NAGPA: variants seen among roughly 807,000 people sequenced by gnomAD.
NAGPA encodes N-acetylglucosamine-1-phosphodiester alpha-N-acetylglucosaminidase.
A neutral mutation model predicts 48.5 loss-of-function variants in NAGPA; 56 were observed. The ratio of observed to expected loss-of-function variants is 1.15; its 90% CI spans 0.93 to 1.44. The LOEUF is 1.44. NAGPA is among the 40% of genes most tolerant of loss of function. NAGPA has a pLI of 0.00. For synonymous variants in NAGPA, 399 were observed against 315.5 expected (o/e 1.26, Z -2.81); for missense variants, 888 against 735.0 (o/e 1.21, Z -2.41).
In NAGPA at chr16:5,027,173, T is replaced by C. The variant is rs1287882495; in HGVS notation, c.1302A>G (p.Glu434=). 3.7e-6 allele frequency: 6 copies of C among 1,614,192 alleles called. No homozygotes were observed. The highest frequency in any genetic ancestry group is 2.2e-5 in the East Asian group (1 of 44,876). The change falls in exon 9 of 10, where the codon GAA becomes GAG. Residue 434 remains glutamate (E), a synonymous_variant. Coordinates refer to ENST00000312251, the MANE Select transcript of NAGPA (RefSeq NM_016256.4). ...AGAGTTCTCCCGCCCTCAGGGTGGC[T>C]TCAGGTGGCTGGAGACACTGCTTTA... is the stretch of plus-strand genomic sequence containing the variant. ...SRVKQCLQPP[E]ATLRAGELSF...
chr16:5,027,886 G>C lies in NAGPA; in HGVS notation c.1134C>G (p.Cys378Trp). The C allele has an allele frequency of 6.3e-7, 1 of 1,588,786 alleles. No individual in the cohort carries two copies. Among genetic ancestry groups the C allele is most frequent in the Non-Finnish European group, 8.6e-7 (1 of 1,168,066 alleles). The change falls in exon 7 of 10, where the codon TGC becomes TGG. Residue 378 changes from cysteine to tryptophan, a missense_variant. Transcript: ENST00000312251. ...SQHGLCTETG[C>W]RCDAGWTGSN... ...ACCCGGTCCATCCGGCATCACAGCGGCAGCCGGCTGCCGAGACAAGACCGG... is the reference window on the plus strand; with the variant it reads ...ACCCGGTCCATCCGGCATCACAGCGCCAGCCGGCTGCCGAGACAAGACCGG...
At chr16:5,029,948 A>G (rs1466332921) in intron 4 of NAGPA, 1 of 265,838 alleles carries the variant, frequency 3.8e-6, no homozygotes, top group South Asian at 4.4e-5. Flanking sequence ...ACAAAAGAAC[A>G]TTCCCTGCTG....
intron 2 of NAGPA, 67 bp from the exon 3 acceptor site, chr16:5,031,951 T>A: frequency 6.2e-7 from 1 of 1,605,942 alleles, no homozygotes; most frequent in Non-Finnish European, 8.5e-7. Context: ...AGGCTCTTTC[T>A]CCCTAGCCAT....
chr16:5,033,765 C>T lies in NAGPA; in HGVS notation c.87-37G>A, dbSNP rs1001633389. The T allele has an allele frequency of 1.3e-6, 2 of 1,588,314 alleles. No homozygotes were observed. The highest frequency in any genetic ancestry group is 1.1e-5 in the South Asian group (1 of 87,686). On this transcript the variant is annotated intron_variant, in intron 1 of 9. Coordinates refer to ENST00000312251, the MANE Select transcript of NAGPA (RefSeq NM_016256.4). The surrounding 1 kb of genome is among the most constrained non-coding windows in gnomAD (Gnocchi z 4.2). ...GGCGGCCGTGAGCTCAGGGGGCTGT[C>T]CTCGTGAGCTCGGAGGACAGGGGGG...
intron 7 of NAGPA, 29 bp from the exon 8 acceptor site, chr16:5,027,408 A>G (rs778560491): frequency 6.2e-7 from 1 of 1,608,658 alleles, no homozygotes; most frequent in South Asian, 1.1e-5. Context: ...AGGAGGGAGG[A>G]GGGAGGAGAA....
chr16:5,028,174 ATGT>A lies in NAGPA; in HGVS notation c.929_931del (p.Asn310del), dbSNP rs1166161630. The A allele has an allele frequency of 1.9e-6, 3 of 1,563,964 alleles. No homozygotes were observed. Among genetic ancestry groups the A allele is most frequent in the East Asian group, 2.4e-5 (1 of 41,792 alleles). ...GGACACTTGGCGGGGACAGCGCCACATGTTGTCCTGGCTGTAGAGGGATGTGAT... is the reference window on the plus strand; with the variant it reads ...GGACACTTGGCGGGGACAGCGCCACATGTCCTGGCTGTAGAGGGATGTGAT... On this transcript the variant is annotated inframe_deletion, in exon 6 of 10. Transcript: ENST00000312251.
chr16:5,028,786 C>G, intron 5 of NAGPA, 94 bp downstream of exon 5: 2 of 1,598,312 alleles, frequency 1.3e-6, no homozygotes, highest in Non-Finnish European at 1.7e-6. Flanking sequence ...CCCCCGGGGC[C>G]TGGCACATAG....
In NAGPA at chr16:5,033,104, A is replaced by T. The variant is rs905820694; in HGVS notation, c.542+169T>A. 1.3e-6 allele frequency: 1 copy of T among 797,414 alleles called. No individual in the cohort carries two copies. The highest frequency in any genetic ancestry group is 2.0e-6 in the Non-Finnish European group (1 of 499,426). 49.4% of individuals were successfully genotyped at this position (797,414 alleles called of 1,614,324 possible). A position where few individuals can be genotyped will look rare whatever the true frequency, so the allele number is the denominator to read the frequency against. ...ATTGCCTGATACAAGCAAGTGCTCA[A>T]TGATACTGGATGATGAATAAACTCT... On this transcript the variant is annotated intron_variant, in intron 2 of 9. Transcript: ENST00000312251. This position sits in a 1 kb window ranked among gnomAD's most constrained non-coding sequence, Gnocchi z 4.2.
At chr16:5,029,688 C>T (rs936853197) in intron 4 of NAGPA, 1 of 159,786 alleles carries the variant, frequency 6.3e-6, no homozygotes, top group African/African-American at 2.4e-5. Context: ...CTTTGGAAGG[C>T]CGAGGTAGAT....
Position 5,025,331 on chromosome 16 carries a change from G to A in NAGPA, c.*147C>T. 1.1e-6 allele frequency: 1 copy of A among 935,000 alleles called. No individual in the cohort carries two copies. The highest frequency in any genetic ancestry group is 2.1e-5 in the Admixed American group (1 of 47,918). The allele number at this position is 935,000 out of a possible 1,614,324, so 57.9% of individuals were successfully genotyped here. On this transcript the variant is annotated 3_prime_UTR_variant, in exon 10 of 10. Coordinates refer to ENST00000312251, the MANE Select transcript of NAGPA (RefSeq NM_016256.4). Reference sequence around the variant, plus strand: ...GCAGGTGGCCAGGTGAGGGGCTGAGGCACAAGTGCTATCAGGAACTTGGCT... The same window carrying A: ...GCAGGTGGCCAGGTGAGGGGCTGAGACACAAGTGCTATCAGGAACTTGGCT...
intron 2 of NAGPA, 106 bp from the exon 3 acceptor site, chr16:5,031,990 T>A (rs896673316): frequency 7.3e-6 from 11 of 1,502,660 alleles, no homozygotes; most frequent in Non-Finnish European, 1.0e-5. Flanking sequence ...TTCCCCCTCA[T>A]GCCCCAGGAA....
chr16:5,029,902 C>T (rs569660168), intron 4 of NAGPA: 4 of 215,376 alleles, frequency 1.9e-5, no homozygotes, highest in East Asian at 1.3e-4. Flanking sequence ...CTGGCCTGGG[C>T]GACGGAGTAA....
At position 5,029,025 on chromosome 16, in the gene NAGPA, C is replaced by T. The variant is rs372490407; in HGVS notation, c.792-17G>A. The T allele has an allele frequency of 8.1e-6, 13 of 1,611,852 alleles. No individual in the cohort carries two copies. Among genetic ancestry groups the T allele is most frequent in the East Asian group, 4.5e-5 (2 of 44,890 alleles). On this transcript the variant is annotated splice_polypyrimidine_tract_variant and intron_variant, in intron 4 of 9. Transcript: ENST00000312251. ...AGGTTGATGCTGCGGCACAAAGCGG[C>T]GCTGCTCAGGCTCAGCGCCCACCAT...
chr16:5,033,690 C>T lies in NAGPA; in HGVS notation c.125G>A (p.Arg42His), dbSNP rs767942322. Residue 42 changes from arginine (R) to histidine (H), a missense_variant, in exon 2 of 10, where the codon CGC (arginine) becomes CAC (histidine). Coordinates refer to ENST00000312251, the MANE Select transcript of NAGPA (RefSeq NM_016256.4). The surrounding 1 kb of genome is among the most constrained non-coding windows in gnomAD (Gnocchi z 4.2). ...RDDDLLLPYP[R>H]ARARLPRDCT... ...GTCCCGGGGGAGGCGCGCGCGCGCG[C>T]GTGGATAGGGCAGTAGCAAGTCGTC... 1.3e-6 allele frequency: 2 copies of T among 1,596,534 alleles called. No homozygotes were observed. The highest frequency in any genetic ancestry group is 8.5e-7 in the Non-Finnish European group (1 of 1,175,588).
chr16:5,027,209 C>A lies in NAGPA; in HGVS notation c.1277-11G>T. The A allele has an allele frequency of 6.2e-7, 1 of 1,614,230 alleles. No homozygotes were observed. The highest frequency in any genetic ancestry group is 8.5e-7 in the Non-Finnish European group (1 of 1,180,038). On this transcript the variant is annotated splice_polypyrimidine_tract_variant and intron_variant, in intron 8 of 9. Transcript: ENST00000312251. ...GGAGACACTGCTTTACTGTAACATACCAGAGACAGGCTGAAGGGGCCGGAG... is the reference window on the plus strand; with the variant it reads ...GGAGACACTGCTTTACTGTAACATAACAGAGACAGGCTGAAGGGGCCGGAG...
In NAGPA at chr16:5,033,870, T is replaced by C. The variant is rs1186667615; in HGVS notation, c.45A>G (p.Leu15=). 1.0e-5 allele frequency: 16 copies of C among 1,549,220 alleles called. No homozygotes were observed. The highest frequency in any genetic ancestry group is 1.3e-5 in the Non-Finnish European group (15 of 1,146,982). Residue 15 remains leucine (L), a synonymous_variant, in exon 1 of 10, where the codon CTA becomes CTG. Transcript: ENST00000312251. The surrounding 1 kb of genome is among the most constrained non-coding windows in gnomAD (Gnocchi z 4.2). ...TGRWLLLRLA[L]FGFLWEASGG... is the part of the protein sequence containing the mutation. ...CGGACGCTTCCCAGAGGAAGCCGAA[T>C]AGTGCAAGCCGGAGGAGAAGCCAGC... is the stretch of plus-strand genomic sequence containing the variant.
rs371080884 is a variant in NAGPA, at chr16:5,032,660, C to G, written c.542+613G>C. On this transcript the variant is annotated intron_variant, in intron 2 of 9. Coordinates refer to ENST00000312251, the MANE Select transcript of NAGPA (RefSeq NM_016256.4). ...TGCCACTGCCCTCCATCCTGGGCAA[C>G]AGAGCAAGACTCTGTCTCAAAAAAA... Among the ~76,000 whole-genome samples, 156 of 151,310 alleles carry G rather than the reference C, an allele frequency of 1.0e-3. 3 individuals are homozygous for G. Among genetic ancestry groups the G allele is most frequent in the South Asian group, 9.0e-3 (43 of 4,790 alleles).
chr16:5,028,443 C>G (rs774590657), intron 5 of NAGPA: 6 of 741,124 alleles, frequency 8.1e-6, no homozygotes, highest in Non-Finnish European at 1.4e-5. Flanking sequence ...CTATGTTGCC[C>G]ACACTGGTCT....
Position 5,033,111 on chromosome 16 carries a change from T to C in NAGPA, c.542+162A>G, listed in dbSNP as rs1213871640. On this transcript the variant is annotated intron_variant, in intron 2 of 9. Coordinates refer to ENST00000312251, the MANE Select transcript of NAGPA (RefSeq NM_016256.4). The surrounding 1 kb of genome is among the most constrained non-coding windows in gnomAD (Gnocchi z 4.2). Reference sequence around the variant, plus strand: ...GATACAAGCAAGTGCTCAATGATACTGGATGATGAATAAACTCTGCAAGGA... The same window carrying C: ...GATACAAGCAAGTGCTCAATGATACCGGATGATGAATAAACTCTGCAAGGA... 4.8e-6 allele frequency: 4 copies of C among 835,376 alleles called. No individual in the cohort carries two copies. The highest frequency in any genetic ancestry group is 5.4e-5 in the East Asian group (2 of 37,356). The allele number at this position is 835,376 out of a possible 1,614,324, so 51.7% of individuals were successfully genotyped here.
Sources: gnomAD v4.1 joint callset for allele counts (sites outside exome capture counted in the v4.1 genomes callset) on GRCh38, gnomAD v4.1.1 for gene constraint, Gnocchi (gnomAD v3.1) non-coding constraint, MANE v1.5 for transcripts, NCBI Gene and HGNC (gene_info 2026-07-23, HGNC 2026-07-21) for gene names.